ADAMTS20: variants seen among roughly 807,000 people sequenced by gnomAD.
ADAMTS20 encodes A disintegrin and metalloproteinase with thrombospondin motifs 20.
ADAMTS20 carries 225 observed loss-of-function variants against 260.1 expected under a neutral mutation model. The ratio of observed to expected loss-of-function variants is 0.87; its 90% CI spans 0.78 to 0.97. ADAMTS20 has a LOEUF of 0.97. Ranked by LOEUF, ADAMTS20 falls within the 50% of genes least tolerant of loss-of-function variation. The pLI is 0.00. For missense variants in ADAMTS20, 2,400 were observed against 2,337.7 expected (o/e 1.03, Z -0.55); for synonymous variants, 802 against 769.5 (o/e 1.04, Z -0.70).
chr12:43,477,540 A>C (rs1400994687), intron 7 of ADAMTS20, among the ~76,000 whole-genome samples: 1 of 152,204 alleles, frequency 6.6e-6, no homozygotes, highest in Non-Finnish European at 1.5e-5. Flanking sequence ...TAGATATTTA[A>C]TAAAAACTAG....
Position 43,377,375 on chromosome 12 carries a change from T to C in ADAMTS20, c.4985A>G (p.Lys1662Arg). 6.2e-7 allele frequency: 1 copy of C among 1,611,516 alleles called. No individual in the cohort carries two copies. Among genetic ancestry groups the C allele is most frequent in the Non-Finnish European group, 8.5e-7 (1 of 1,178,522 alleles). ...TAATTGTACACCGACCTTGCTCCATTTTCCAACTTTCCAAGTGGCCAAATG... is the reference window on the plus strand; with the variant it reads ...TAATTGTACACCGACCTTGCTCCATCTTCCAACTTTCCAAGTGGCCAAATG... ...CLHLATWKVG[K>R]WSKCSVTCGI... The change falls in exon 32 of 39, where the codon AAA becomes AGA. Residue 1662 changes from lysine (K) to arginine (R), a missense_variant. Physicochemically the swap from Lys to Arg is conservative, Grantham distance 26. Coordinates refer to ENST00000389420, the MANE Select transcript of ADAMTS20 (RefSeq NM_025003.5).
chr12:43,369,319 C>T lies in ADAMTS20; in HGVS notation c.5509G>A (p.Asp1837Asn). 6.4e-7 allele frequency: 1 copy of T among 1,556,806 alleles called. No homozygotes were observed. The highest frequency in any genetic ancestry group is 8.7e-7 in the Non-Finnish European group (1 of 1,152,672). The change falls in exon 37 of 39, where the codon GAT (aspartate) becomes AAT (asparagine). Residue 1837 changes from aspartate to asparagine, a missense_variant. Coordinates refer to ENST00000389420, the MANE Select transcript of ADAMTS20 (RefSeq NM_025003.5). ...GGGCATCTGAAAGCACTGTAGCAAT[C>T]TCCAGCTGTGGCAAATGGAACTGCA... ...GNAVPFATAG[D>N]CYSAFRCPQG... is the part of the protein sequence containing the mutation.
intron 3 of ADAMTS20, among the ~76,000 whole-genome samples, chr12:43,519,620 G>A (rs1565580024): frequency 6.6e-6 from 1 of 152,030 alleles, no homozygotes; most frequent in Non-Finnish European, 1.5e-5. Flanking sequence ...TGAAAAACTT[G>A]TATGCATCTT....
intron 37 of ADAMTS20, among the ~76,000 whole-genome samples, chr12:43,367,572 C>T (rs1940014818): frequency 6.6e-6 from 1 of 152,006 alleles, no homozygotes; most frequent in South Asian, 2.1e-4. Flanking sequence ...ACTTAACATA[C>T]ACATGAAACT....
intron 7 of ADAMTS20, among the ~76,000 whole-genome samples, chr12:43,481,563 A>G (rs576255795): frequency 1.3e-5 from 2 of 152,332 alleles, no homozygotes; most frequent in South Asian, 4.1e-4. Flanking sequence ...AATTATTCAC[A>G]TAACAATCAA....
intron 3 of ADAMTS20, among the ~76,000 whole-genome samples, chr12:43,522,379 G>A (rs2137484217): frequency 6.6e-6 from 1 of 152,326 alleles, no homozygotes. Flanking sequence ...ACAGTCCAAG[G>A]TGAGATTTGG....
At chr12:43,482,738 C>T (rs115869407) in intron 7 of ADAMTS20, among the ~76,000 whole-genome samples, 2,279 of 152,212 alleles carry the variant, frequency 0.015, 54 homozygotes, top group African/African-American at 0.051. Context: ...AGTTCCATGG[C>T]TCCACCCATT....
chr12:43,375,303 C>T, intron 36 of ADAMTS20, 76 bp downstream of exon 36: 1 of 1,457,994 alleles, frequency 6.9e-7, no homozygotes, highest in South Asian at 1.3e-5. Context: ...CTGGCTACAA[C>T]ATATACCAAC....
chr12:43,508,823 C>A (rs888140831), intron 3 of ADAMTS20, among the ~76,000 whole-genome samples: 2 of 152,038 alleles, frequency 1.3e-5, no homozygotes, highest in African/African-American at 4.8e-5. Flanking sequence ...ACTGTAGTCA[C>A]CTTGTTGTAC....
At chr12:43,400,276 T>C (rs1405836362) in intron 28 of ADAMTS20, among the ~76,000 whole-genome samples, 2 of 152,032 alleles carry the variant, frequency 1.3e-5, no homozygotes, top group Admixed American at 1.3e-4. Context: ...GTTGTTGGCA[T>C]ATGGTTTCAT....
At chr12:43,548,512 A>C (rs1039057281) in intron 2 of ADAMTS20, among the ~76,000 whole-genome samples, 3 of 148,036 alleles carry the variant, frequency 2.0e-5, no homozygotes, top group Non-Finnish European at 4.6e-5. Context: ...TTACAAATGG[A>C]TTCTAAAATC....
intron 3 of ADAMTS20, among the ~76,000 whole-genome samples, chr12:43,509,443 G>A (rs1942892303): frequency 1.3e-5 from 2 of 151,946 alleles, no homozygotes. Flanking sequence ...CTTTGGCAAA[G>A]TAATTGAACA....
intron 9 of ADAMTS20, 145 bp from the exon 10 acceptor site, chr12:43,464,877 T>C (rs1467573688): frequency 4.7e-6 from 4 of 854,242 alleles, no homozygotes; most frequent in Non-Finnish European, 6.9e-6. Flanking sequence ...CACATCAATA[T>C]CAGTATAGCA....
chr12:43,402,474 A>T (rs1196823212), intron 28 of ADAMTS20, among the ~76,000 whole-genome samples: 1 of 152,058 alleles, frequency 6.6e-6, no homozygotes, highest in East Asian at 1.9e-4. Flanking sequence ...AAAGGAATAC[A>T]TCCAGTATTT....
At chr12:43,540,711 G>C (rs1943365509) in intron 2 of ADAMTS20, among the ~76,000 whole-genome samples, 1 of 152,086 alleles carries the variant, frequency 6.6e-6, no homozygotes, top group Non-Finnish European at 1.5e-5. Flanking sequence ...ACTATCTGCA[G>C]ATGGGCCCTG....
chr12:43,416,254 C>G (rs1941127286), intron 28 of ADAMTS20, among the ~76,000 whole-genome samples: 1 of 151,970 alleles, frequency 6.6e-6, no homozygotes, highest in African/African-American at 2.4e-5. Flanking sequence ...CCCTCCTTGA[C>G]TTTTCGTCTC....
chr12:43,542,012 A>G (rs1417313059), intron 2 of ADAMTS20, among the ~76,000 whole-genome samples: 1 of 152,228 alleles, frequency 6.6e-6, no homozygotes, highest in Non-Finnish European at 1.5e-5. Context: ...TATCCAAAAG[A>G]CACAAGTTCA....
intron 16 of ADAMTS20, among the ~76,000 whole-genome samples, chr12:43,441,328 C>CTA (rs1027433340): frequency 2.0e-5 from 3 of 151,186 alleles, no homozygotes; most frequent in East Asian, 1.9e-4. Flanking sequence ...TATTTATATA[C>CTA]TATATATATA....
intron 31 of ADAMTS20, among the ~76,000 whole-genome samples, chr12:43,382,532 G>C (rs1656640308): frequency 6.6e-6 from 1 of 152,050 alleles, no homozygotes; most frequent in African/African-American, 2.4e-5. Flanking sequence ...TTTTTTGGGA[G>C]TGATAAAAAG....
Sources: gnomAD v4.1 joint callset for allele counts (sites outside exome capture counted in the v4.1 genomes callset) on GRCh38, gnomAD v4.1.1 for gene constraint, MANE v1.5 for transcripts, NCBI Gene and HGNC (gene_info 2026-07-23, HGNC 2026-07-21) for gene names.